Variants in GRIN2B observed in about 807,000 individuals in gnomAD.
The protein encoded by GRIN2B is glutamate ionotropic receptor NMDA type subunit 2B, also known as glutamate receptor ionotropic, NMDA 2B.
In GRIN2B, 5 loss-of-function variants were observed where a neutral mutation model predicts 114.5. The ratio of observed to expected loss-of-function variants is 0.04; its 90% CI spans 0.02 to 0.09. GRIN2B has a LOEUF of 0.09. GRIN2B is among the 10% of genes least tolerant of loss of function. The pLI, the probability that GRIN2B is intolerant of heterozygous loss-of-function variation, is 1.00. For synonymous variants in GRIN2B, 787 were observed against 745.1 expected, an observed-to-expected ratio of 1.06 and a Z score of -0.92; for missense variants, 1,108 against 1,943.5, an observed-to-expected ratio of 0.57 and a Z score of 8.08.
chr12:13,848,405 G>A (rs1311190975), intron 3 of GRIN2B, among the ~76,000 whole-genome samples: 2 of 152,080 alleles, frequency 1.3e-5, no homozygotes, highest in East Asian at 1.9e-4. Context: ...AGAAACCCCA[G>A]CAGTGCCAGG....
chr12:13,699,116 T>C (rs10772703), intron 4 of GRIN2B, among the ~76,000 whole-genome samples: 92,556 of 152,052 alleles, frequency 0.61, 28,425 homozygotes, highest in East Asian at 0.84. Flanking sequence ...TGCATAAGGT[T>C]AAAGGCTACA....
chr12:13,598,895 T>C (rs984349067), intron 10 of GRIN2B, among the ~76,000 whole-genome samples: 1 of 152,208 alleles, frequency 6.6e-6, no homozygotes, highest in Non-Finnish European at 1.5e-5. Context: ...TGACTAGCCA[T>C]GTGCTTTTTA....
At chr12:13,961,855 C>A (rs61912019) in intron 2 of GRIN2B, among the ~76,000 whole-genome samples, 3 of 151,916 alleles carry the variant, frequency 2.0e-5, no homozygotes, top group Non-Finnish European at 4.4e-5. Context: ...GCAGGCAGCA[C>A]GGCTCAGGCA....
At chr12:13,738,198 G>T (rs1255805676) in intron 4 of GRIN2B, among the ~76,000 whole-genome samples, 1 of 152,146 alleles carries the variant, frequency 6.6e-6, no homozygotes, top group East Asian at 1.9e-4. Context: ...CAGTACTTCA[G>T]AAAGCCATTT....
At chr12:13,566,216 ATTTTCTCATTAATACAAAACTCCATTT>A (rs1165860472) in intron 13 of GRIN2B, among the ~76,000 whole-genome samples, 1 of 152,154 alleles carries the variant, frequency 6.6e-6, no homozygotes, top group Non-Finnish European at 1.5e-5. Context: ...CGAGAAATCA[ATTTTCTCATTAATACAAAACTCCATTT>A]GAGTCAAAGT....
chr12:13,681,094 C>T (rs994593393), intron 4 of GRIN2B, among the ~76,000 whole-genome samples: 1 of 152,152 alleles, frequency 6.6e-6, no homozygotes, highest in Non-Finnish European at 1.5e-5. Flanking sequence ...TAGCGGCATA[C>T]CTTGAGTGGG....
intron 2 of GRIN2B, among the ~76,000 whole-genome samples, chr12:13,891,582 C>G (rs887397267): frequency 6.6e-6 from 1 of 151,852 alleles, no homozygotes; most frequent in African/African-American, 2.4e-5. Context: ...TTTAAATGTT[C>G]TCACCTACTG....
chr12:13,868,886 G>A (rs183901629), intron 2 of GRIN2B, among the ~76,000 whole-genome samples: 445 of 152,314 alleles, frequency 2.9e-3, no homozygotes, highest in Non-Finnish European at 4.5e-3. Context: ...AGACAAAGAG[G>A]CTACTTTGAA....
rs1013067762 is a variant in GRIN2B, at chr12:13,711,248, C to A, written c.1011-35389G>T. Among the ~76,000 whole-genome samples, 19 of 151,684 alleles carry A rather than the reference C, an allele frequency of 1.3e-4. No homozygotes were observed. In the South Asian group the frequency reaches 2.9e-3, roughly 23 times the overall value. ...TAATTCAAGATGGATTAAAGACTTACATGTTAGACCTAAAACCATAAAAAC... is the reference window on the plus strand; with the variant it reads ...TAATTCAAGATGGATTAAAGACTTAAATGTTAGACCTAAAACCATAAAAAC... On this transcript the variant is annotated intron_variant, in intron 4 of 13. Coordinates refer to ENST00000609686, the MANE Select transcript of GRIN2B (RefSeq NM_000834.5).
chr12:13,896,311 A>G (rs536872286), intron 2 of GRIN2B, among the ~76,000 whole-genome samples: 2 of 152,284 alleles, frequency 1.3e-5, no homozygotes, highest in African/African-American at 4.8e-5. Flanking sequence ...TGGCTATGAC[A>G]AGTCCACGGA....
chr12:13,805,893 C>T (rs1316668837), intron 3 of GRIN2B, among the ~76,000 whole-genome samples: 1 of 152,102 alleles, frequency 6.6e-6, no homozygotes, highest in Non-Finnish European at 1.5e-5. Context: ...CCAATTCCTT[C>T]AACTCCCAAT....
At chr12:13,811,564 A>G (rs1864731010) in intron 3 of GRIN2B, among the ~76,000 whole-genome samples, 1 of 152,248 alleles carries the variant, frequency 6.6e-6, no homozygotes, top group Non-Finnish European at 1.5e-5. Context: ...TGGGTGACAC[A>G]GTGAGACCCT....
intron 10 of GRIN2B, among the ~76,000 whole-genome samples, chr12:13,596,912 T>C (rs1949081050): frequency 6.6e-6 from 1 of 152,146 alleles, no homozygotes; most frequent in Admixed American, 6.5e-5. Flanking sequence ...GACAGAGGCT[T>C]TATTAGATTC....
chr12:13,747,367 C>T (rs1251043332), intron 4 of GRIN2B, among the ~76,000 whole-genome samples: 3 of 152,188 alleles, frequency 2.0e-5, no homozygotes, highest in Admixed American at 6.5e-5. Flanking sequence ...GAGTTTGAAT[C>T]GTCCTCCCAT....
Position 13,554,443 on chromosome 12 carries a change from G to A in GRIN2B, c.*8340C>T, listed in dbSNP as rs1948453745. ...TGGGAGATAGGAAGGAGAGTATTTT[G>A]GACAAAGGGAACAGTTTAAGGGAAG... On this transcript the variant is annotated 3_prime_UTR_variant, in exon 14 of 14. Transcript: ENST00000609686. 1 of 152,142 alleles carries A rather than the reference G, an allele frequency of 6.6e-6. No homozygotes were observed. Among genetic ancestry groups the A allele is most frequent in the African/African-American group, 2.4e-5 (1 of 41,428 alleles). The allele number at this position is 152,142 out of a possible 1,614,324, so 9.4% of individuals were successfully genotyped here.
intron 3 of GRIN2B, among the ~76,000 whole-genome samples, chr12:13,862,137 ATAATATAAAGCTCAT>A (rs1865762400): frequency 6.6e-6 from 1 of 152,164 alleles, no homozygotes; most frequent in Non-Finnish European, 1.5e-5. Flanking sequence ...TCTTTCCACC[ATAATATAAAGCTCAT>A]TTCCTCTTTG....
At chr12:13,909,599 A>C (rs1488795125) in intron 2 of GRIN2B, among the ~76,000 whole-genome samples, 4 of 152,236 alleles carry the variant, frequency 2.6e-5, no homozygotes, top group Non-Finnish European at 5.9e-5. Flanking sequence ...GCACTAATGC[A>C]CTGTGAAAGC....
At chr12:13,935,423 T>C (rs994975426) in intron 2 of GRIN2B, among the ~76,000 whole-genome samples, 4 of 152,204 alleles carry the variant, frequency 2.6e-5, no homozygotes, top group Non-Finnish European at 5.9e-5. Context: ...AGAAAAGCAT[T>C]TTCTCCATAG....
chr12:13,946,337 ATAG>A (rs1867361985), intron 2 of GRIN2B, among the ~76,000 whole-genome samples: 3 of 152,164 alleles, frequency 2.0e-5, no homozygotes. Context: ...TATAAAGACC[ATAG>A]TAACTTTATA....
Sources: gnomAD v4.1 joint callset for allele counts (sites outside exome capture counted in the v4.1 genomes callset) on GRCh38, gnomAD v4.1.1 for gene constraint, MANE v1.5 for transcripts, NCBI Gene and HGNC (gene_info 2026-07-23, HGNC 2026-07-21) for gene names.